RAB22A: variants seen among roughly 807,000 people sequenced by gnomAD.
The protein encoded by RAB22A is ras-related protein Rab-22A.
A neutral mutation model predicts 30.2 loss-of-function variants in RAB22A; 13 were observed. The observed-to-expected ratio is 0.43, with a 90% CI of 0.28 to 0.68. The LOEUF (loss-of-function observed/expected upper bound fraction) is 0.68, where lower values mean the gene tolerates loss of function less well. RAB22A is among the 30% of genes least tolerant of loss of function. RAB22A has a pLI of 0.18. For missense variants in RAB22A, 177 were observed against 246.8 expected, an observed-to-expected ratio of 0.72 and a Z score of 1.89; for synonymous variants, 89 against 87.2, an observed-to-expected ratio of 1.02 and a Z score of -0.11.
intron 3 of RAB22A, chr20:58,345,992 A>T (rs1038648300): frequency 3.9e-5 from 6 of 152,430 alleles, no homozygotes; most frequent in African/African-American, 1.4e-4. Flanking sequence ...AAGTAACCAC[A>T]TCGCCACACT....
chr20:58,342,609 T>A (rs534122497), intron 2 of RAB22A, among the ~76,000 whole-genome samples: 71 of 151,622 alleles, frequency 4.7e-4, no homozygotes, highest in African/African-American at 1.5e-3. Flanking sequence ...TTGGAGTGAT[T>A]TGGGTACAAC....
At chr20:58,352,586 C>T (rs1600741231) in intron 3 of RAB22A, among the ~76,000 whole-genome samples, 1 of 152,208 alleles carries the variant, frequency 6.6e-6, no homozygotes, top group African/African-American at 2.4e-5. Context: ...CTCACTGAAT[C>T]ACCCTTGCTG....
chr20:58,353,159 CT>C (rs146846981), intron 3 of RAB22A, 113 bp from the exon 4 acceptor site: 1 of 994,956 alleles, frequency 1.0e-6, no homozygotes. Flanking sequence ...ATGTCATTTT[CT>C]TGGCTTAAGA....
At chr20:58,333,949 T>C (rs1464427941) in intron 2 of RAB22A, among the ~76,000 whole-genome samples, 4 of 152,148 alleles carry the variant, frequency 2.6e-5, no homozygotes, top group African/African-American at 7.2e-5. Flanking sequence ...TCCTAGCTAC[T>C]TGGGAGACTG....
At chr20:58,317,867 T>TA (rs771544078) in intron 2 of RAB22A, among the ~76,000 whole-genome samples, 2 of 151,152 alleles carry the variant, frequency 1.3e-5, no homozygotes, top group Non-Finnish European at 2.9e-5. Context: ...TTTAATTTTT[T>TA]ATTTCTATTT....
intron 2 of RAB22A, among the ~76,000 whole-genome samples, chr20:58,337,725 G>T (rs1477172545): frequency 2.0e-5 from 3 of 152,152 alleles, no homozygotes; most frequent in Non-Finnish European, 4.4e-5. Context: ...CTGTAGTTCA[G>T]AGCACAGACT....
chr20:58,337,626 C>T (rs1451966367), intron 2 of RAB22A, among the ~76,000 whole-genome samples: 1 of 152,196 alleles, frequency 6.6e-6, no homozygotes, highest in Non-Finnish European at 1.5e-5. Context: ...GTGATGGGCT[C>T]TTTCTCACCT....
chr20:58,359,513 T>A (rs922052608), intron 6 of RAB22A, 93 bp from the exon 7 acceptor site: 7 of 650,460 alleles, frequency 1.1e-5, no homozygotes, highest in Middle Eastern at 2.7e-4. Context: ...TTTTTTTTTT[T>A]ACTTCAGTGA....
intron 3 of RAB22A, among the ~76,000 whole-genome samples, chr20:58,344,785 C>G (rs1041214181): frequency 6.6e-6 from 1 of 152,124 alleles, no homozygotes; most frequent in Non-Finnish European, 1.5e-5. Flanking sequence ...GAAAACAAAA[C>G]AAGCCATTAC....
At chr20:58,327,750 A>G (rs767537585) in intron 2 of RAB22A, among the ~76,000 whole-genome samples, 4 of 152,246 alleles carry the variant, frequency 2.6e-5, no homozygotes, top group Admixed American at 6.5e-5. Context: ...AACTTATTTT[A>G]TAGCATTATC....
rs1337479525 is a variant in RAB22A, at chr20:58,367,310, G to A, written c.*7607G>A. The A allele has an allele frequency of 6.6e-6, 1 of 152,240 alleles. No homozygotes were observed. The allele number at this position is 152,240 out of a possible 1,614,324, so 9.4% of individuals were successfully genotyped here. On this transcript the variant is annotated 3_prime_UTR_variant, in exon 7 of 7. Coordinates refer to ENST00000244040, the MANE Select transcript of RAB22A (RefSeq NM_020673.3). ...AAAACTAGACCTTTTGTTTTTTGTT[G>A]TAAGATTTTTGTTTTCATGCCTATG...
At chr20:58,344,182 A>T (rs556186063) in intron 3 of RAB22A, among the ~76,000 whole-genome samples, 1 of 152,232 alleles carries the variant, frequency 6.6e-6, no homozygotes, top group Admixed American at 6.5e-5. Flanking sequence ...TGCCTTTTAA[A>T]AGCTAAAGAG....
At chr20:58,329,670 A>T (rs1302396408) in intron 2 of RAB22A, among the ~76,000 whole-genome samples, 3 of 152,182 alleles carry the variant, frequency 2.0e-5, no homozygotes, top group Admixed American at 2.0e-4. Flanking sequence ...AAATTGTTTT[A>T]AGTATCTGTT....
intron 6 of RAB22A, among the ~76,000 whole-genome samples, chr20:58,354,678 T>A (rs1291535071): frequency 6.6e-6 from 1 of 152,220 alleles, no homozygotes; most frequent in East Asian, 1.9e-4. Context: ...CTGTTTTCCC[T>A]TCTCTTTCCC....
At chr20:58,359,545 A>G (rs1987189835) in intron 6 of RAB22A, 61 bp from the exon 7 acceptor site, 4 of 1,256,138 alleles carry the variant, frequency 3.2e-6, no homozygotes, top group South Asian at 1.5e-5. Flanking sequence ...TTGCATCTGC[A>G]AAATTGTTGT....
intron 6 of RAB22A, among the ~76,000 whole-genome samples, chr20:58,357,368 T>C (rs1321273629): frequency 6.6e-6 from 1 of 152,252 alleles, no homozygotes; most frequent in Non-Finnish European, 1.5e-5. Context: ...GAGTCACTTA[T>C]TGACTATGTA....
chr20:58,325,853 G>A (rs1600727593), intron 2 of RAB22A, among the ~76,000 whole-genome samples: 4 of 152,128 alleles, frequency 2.6e-5, no homozygotes, highest in African/African-American at 9.7e-5. Flanking sequence ...GAATTAGGTC[G>A]AGTTTACTAA....
At chr20:58,310,065 G>T (rs1986189948) in intron 1 of RAB22A, 53 bp downstream of exon 1, 3 of 1,253,276 alleles carry the variant, frequency 2.4e-6, no homozygotes, top group Non-Finnish European at 2.0e-6. Flanking sequence ...GGCTGGCGGG[G>T]ACCCCGGATC....
chr20:58,314,837 TC>T (rs1986303754), intron 2 of RAB22A, among the ~76,000 whole-genome samples: 2 of 150,192 alleles, frequency 1.3e-5, no homozygotes, highest in African/African-American at 4.9e-5. Context: ...CAAGACTCCA[TC>T]TCAAAAAAAA....
Sources: gnomAD v4.1 joint callset for allele counts (sites outside exome capture counted in the v4.1 genomes callset) on GRCh38, gnomAD v4.1.1 for gene constraint, MANE v1.5 for transcripts, NCBI Gene and HGNC (gene_info 2026-07-23, HGNC 2026-07-21) for gene names.